Variants in ASTN2 observed in about 807,000 individuals in gnomAD.
ASTN2 encodes the protein astrotactin 2, also known as astrotactin-2.
In ASTN2, 54 loss-of-function variants were observed where a neutral mutation model predicts 139.8. The ratio of observed to expected loss-of-function variants is 0.39; its 90% CI spans 0.31 to 0.48. The LOEUF is 0.48. ASTN2 is among the 20% of genes least tolerant of loss of function. The pLI is 0.95. For synonymous variants in ASTN2, 756 were observed against 719.5 expected (o/e 1.05, Z -0.81); for missense variants, 1,565 against 1,725.1 (o/e 0.91, Z 1.64).
chr9:116,658,740 T>C (rs1479167273), intron 16 of ASTN2, among the ~76,000 whole-genome samples: 3 of 68,556 alleles, frequency 4.4e-5, no homozygotes, highest in African/African-American at 1.3e-4. Context: ...GCTCTTTTTT[T>C]TTTTTTTTTT....
At chr9:117,285,470 G>T (rs1278076465) in intron 2 of ASTN2, among the ~76,000 whole-genome samples, 4 of 152,092 alleles carry the variant, frequency 2.6e-5, no homozygotes, top group Non-Finnish European at 5.9e-5. Flanking sequence ...CCTTTAAAAA[G>T]TGTTATCCCA....
chr9:116,896,631 T>C (rs945977404), intron 10 of ASTN2, among the ~76,000 whole-genome samples: 20 of 152,150 alleles, frequency 1.3e-4, no homozygotes, highest in African/African-American at 4.8e-4. Flanking sequence ...GACTGGGTAA[T>C]TTATTAAAAA....
chr9:116,944,857 G>C (rs1316546364), intron 10 of ASTN2, among the ~76,000 whole-genome samples: 1 of 152,100 alleles, frequency 6.6e-6, no homozygotes, highest in Non-Finnish European at 1.5e-5. Context: ...TTGAGGTACT[G>C]TATCAGTTAG....
At chr9:117,087,705 A>G (rs945847180) in intron 5 of ASTN2, among the ~76,000 whole-genome samples, 1 of 152,158 alleles carries the variant, frequency 6.6e-6, no homozygotes, top group Non-Finnish European at 1.5e-5. Flanking sequence ...AATCCTCATA[A>G]CAAGCCCAAA....
intron 1 of ASTN2, among the ~76,000 whole-genome samples, chr9:117,336,102 T>C (rs1828875303): frequency 6.6e-6 from 1 of 151,282 alleles, no homozygotes; most frequent in Admixed American, 6.6e-5. Flanking sequence ...CACAAAAATT[T>C]TCCCATTCTG....
At chr9:116,564,607 C>T (rs977019963) in intron 19 of ASTN2, among the ~76,000 whole-genome samples, 2 of 152,184 alleles carry the variant, frequency 1.3e-5, no homozygotes, top group Non-Finnish European at 2.9e-5. Flanking sequence ...TGGTTGTTGT[C>T]CCCTGCCTGG....
chr9:116,682,271 A>T (rs1019762876), intron 16 of ASTN2, among the ~76,000 whole-genome samples: 1 of 152,232 alleles, frequency 6.6e-6, no homozygotes, highest in African/African-American at 2.4e-5. Context: ...AAACACATGA[A>T]AAAATGCTCA....
chr9:117,309,278 A>G (rs916265085), intron 1 of ASTN2, among the ~76,000 whole-genome samples: 2 of 152,190 alleles, frequency 1.3e-5, no homozygotes, highest in African/African-American at 4.8e-5. Flanking sequence ...GGCTGCATCT[A>G]CTACTTATGG....
intron 20 of ASTN2, among the ~76,000 whole-genome samples, chr9:116,462,914 T>G (rs1408899403): frequency 6.6e-6 from 1 of 152,028 alleles, no homozygotes; most frequent in African/African-American, 2.4e-5. Context: ...ATATCTCCTT[T>G]GGATGTCCAA....
At chr9:116,486,544 T>G (rs1319501238) in intron 20 of ASTN2, among the ~76,000 whole-genome samples, 4 of 152,192 alleles carry the variant, frequency 2.6e-5, no homozygotes, top group Non-Finnish European at 5.9e-5. Context: ...AATAAATAAA[T>G]GAGTTGAATA....
At chr9:116,984,881 A>G (rs1309135834) in intron 7 of ASTN2, among the ~76,000 whole-genome samples, 2 of 152,110 alleles carry the variant, frequency 1.3e-5, no homozygotes, top group Admixed American at 6.5e-5. Context: ...TTCCTCTAAT[A>G]TATTCTGGTC....
intron 16 of ASTN2, among the ~76,000 whole-genome samples, chr9:116,668,444 G>A (rs1388791687): frequency 1.3e-5 from 2 of 152,180 alleles, no homozygotes; most frequent in South Asian, 2.1e-4. Context: ...CACCCGCCTC[G>A]GCCTCCCAAA....
intron 1 of ASTN2, among the ~76,000 whole-genome samples, chr9:117,337,648 A>G (rs1367572319): frequency 6.6e-6 from 1 of 152,166 alleles, no homozygotes. Context: ...TTGAATTTTT[A>G]CTGCTGGGAT....
chr9:116,737,341 A>C (rs1335042286), intron 13 of ASTN2, among the ~76,000 whole-genome samples: 1 of 152,172 alleles, frequency 6.6e-6, no homozygotes, highest in African/African-American at 2.4e-5. Flanking sequence ...CTCAGATGGA[A>C]GCCTAGACAA....
Position 116,425,914 on chromosome 9 carries a change from G to A in ASTN2, c.3957C>T (p.Ile1319=), listed in dbSNP as rs1847292626. 3 of 1,614,152 alleles carry A rather than the reference G, an allele frequency of 1.9e-6. No individual in the cohort carries two copies. The highest frequency in any genetic ancestry group is 1.1e-5 in the South Asian group (1 of 91,078). ...TTGACACCATCTTCTCCTCACACGT[G>A]ATTTTGGTGTCCTTGAGGATGCTAT... ...VWYSILKDTK[I]TCEEKMVSMA... Residue 1319 remains isoleucine (I), a synonymous_variant, in exon 23 of 23, where the codon ATC becomes ATT. Coordinates refer to ENST00000313400, the MANE Select transcript of ASTN2 (RefSeq NM_001365068.1).
chr9:117,053,656 CT>C (rs1217694291), intron 5 of ASTN2, among the ~76,000 whole-genome samples: 1 of 152,140 alleles, frequency 6.6e-6, no homozygotes, highest in Non-Finnish European at 1.5e-5. Context: ...ATCAAGGGCC[CT>C]TGCAGGTTTA....
chr9:117,354,002 C>T (rs949759986), intron 1 of ASTN2, among the ~76,000 whole-genome samples: 3 of 152,116 alleles, frequency 2.0e-5, no homozygotes, highest in Non-Finnish European at 2.9e-5. Context: ...TTTGACCACA[C>T]AACACCAAAA....
chr9:116,594,749 G>C (rs528027040), intron 19 of ASTN2, among the ~76,000 whole-genome samples: 1 of 152,116 alleles, frequency 6.6e-6, no homozygotes, highest in African/African-American at 2.4e-5. Context: ...CAGAACATCT[G>C]CACCCAATGT....
intron 2 of ASTN2, among the ~76,000 whole-genome samples, chr9:117,268,460 C>T (rs1013964407): frequency 5.9e-5 from 9 of 152,176 alleles, no homozygotes; most frequent in African/African-American, 1.9e-4. Flanking sequence ...CTCCAGGAGG[C>T]TTTCCTTAAT....
Sources: gnomAD v4.1 joint callset for allele counts (sites outside exome capture counted in the v4.1 genomes callset) on GRCh38, gnomAD v4.1.1 for gene constraint, MANE v1.5 for transcripts, NCBI Gene and HGNC (gene_info 2026-07-23, HGNC 2026-07-21) for gene names.